MSRA: variants seen among roughly 807,000 people sequenced by gnomAD.
The protein encoded by MSRA is mitochondrial peptide methionine sulfoxide reductase.
A neutral mutation model predicts 31.3 loss-of-function variants in MSRA; 54 were observed. That is an observed-to-expected ratio of 1.73 (90% CI 1.39 to 2.17). The LOEUF (loss-of-function observed/expected upper bound fraction) is 2.17. MSRA is among the 30% of genes most tolerant of loss of function. MSRA has a pLI of 0.00. For synonymous variants in MSRA, 169 were observed against 116.5 expected (o/e 1.45, Z -2.90); for missense variants, 507 against 300.9 (o/e 1.69, Z -5.07).
intron 5 of MSRA, among the ~76,000 whole-genome samples, chr8:10,363,119 C>T (rs570270721): frequency 6.6e-6 from 1 of 152,354 alleles, no homozygotes; most frequent in African/African-American, 2.4e-5. Context: ...GTCCACTCTT[C>T]TAGCACTTTC....
chr8:10,231,185 C>T (rs544054308), intron 2 of MSRA, among the ~76,000 whole-genome samples: 8 of 151,770 alleles, frequency 5.3e-5, no homozygotes, highest in Admixed American at 3.3e-4. Context: ...GGAGCTGAGG[C>T]GGGCGGACAG....
chr8:10,183,880 G>A (rs1210880154), intron 1 of MSRA, among the ~76,000 whole-genome samples: 2 of 151,038 alleles, frequency 1.3e-5, no homozygotes, highest in Non-Finnish European at 3.0e-5. Flanking sequence ...GGTTTTGTTG[G>A]TATAGGTGGT....
intron 5 of MSRA, among the ~76,000 whole-genome samples, chr8:10,335,097 C>A (rs528039540): frequency 2.6e-5 from 4 of 152,208 alleles, no homozygotes; most frequent in African/African-American, 7.2e-5. Context: ...AGGGACCGCC[C>A]CCCGCACCGT....
intron 5 of MSRA, among the ~76,000 whole-genome samples, chr8:10,402,123 T>C (rs1407300808): frequency 6.6e-6 from 1 of 152,208 alleles, no homozygotes; most frequent in African/African-American, 2.4e-5. Flanking sequence ...TGGGTTCCCT[T>C]AGCTCTCCTA....
intron 3 of MSRA, among the ~76,000 whole-genome samples, chr8:10,275,846 C>G (rs947939896): frequency 6.6e-6 from 1 of 152,202 alleles, no homozygotes; most frequent in Non-Finnish European, 1.5e-5. Flanking sequence ...AGTTGCACAT[C>G]TAGGGTTGGA....
intron 1 of MSRA, among the ~76,000 whole-genome samples, chr8:10,179,842 T>A (rs1465509145): frequency 6.6e-6 from 1 of 152,198 alleles, no homozygotes; most frequent in Non-Finnish European, 1.5e-5. Context: ...CTTCCTGGTT[T>A]CCTACACCTC....
chr8:10,099,817 A>T (rs1359635258), intron 1 of MSRA, among the ~76,000 whole-genome samples: 1 of 152,146 alleles, frequency 6.6e-6, no homozygotes, highest in Non-Finnish European at 1.5e-5. Context: ...GGCCCTGGAC[A>T]CCGGCTTTCT....
chr8:10,380,335 G>A (rs1327319910), intron 5 of MSRA, among the ~76,000 whole-genome samples: 1 of 152,236 alleles, frequency 6.6e-6, no homozygotes, highest in African/African-American at 2.4e-5. Context: ...TTAGGAGGAG[G>A]CCTGGCGTTT....
chr8:10,320,982 T>C (rs558149173), intron 5 of MSRA, among the ~76,000 whole-genome samples: 11 of 152,316 alleles, frequency 7.2e-5, no homozygotes, highest in African/African-American at 2.6e-4. Flanking sequence ...ATTCCGAGGT[T>C]TTAGGACTCC....
chr8:10,413,006 A>G (rs969632762), intron 5 of MSRA, among the ~76,000 whole-genome samples: 1 of 152,272 alleles, frequency 6.6e-6, no homozygotes, highest in African/African-American at 2.4e-5. Context: ...AAGACGACAC[A>G]AAAACCCATT....
At chr8:10,419,705 G>A (rs889279630) in intron 5 of MSRA, among the ~76,000 whole-genome samples, 2 of 152,224 alleles carry the variant, frequency 1.3e-5, no homozygotes, top group African/African-American at 4.8e-5. Flanking sequence ...GGTTACTTGG[G>A]AAGTTGGTGG....
intron 5 of MSRA, among the ~76,000 whole-genome samples, chr8:10,415,959 G>T (rs939787505): frequency 5.3e-5 from 8 of 152,074 alleles, no homozygotes; most frequent in Non-Finnish European, 1.0e-4. Flanking sequence ...TGCCTCGCGT[G>T]GTGGATATTC....
At chr8:10,146,241 G>A (rs917440673) in intron 1 of MSRA, among the ~76,000 whole-genome samples, 3 of 152,218 alleles carry the variant, frequency 2.0e-5, no homozygotes, top group Non-Finnish European at 2.9e-5. Context: ...TTTGGGTGAT[G>A]TTAGAGTAAA....
At chr8:10,163,712 A>G (rs1463863420) in intron 1 of MSRA, among the ~76,000 whole-genome samples, 2 of 152,210 alleles carry the variant, frequency 1.3e-5, no homozygotes, top group Admixed American at 6.5e-5. Flanking sequence ...TATCGATAAG[A>G]GTGAAGGAAG....
At chr8:10,267,722 T>C (rs1798819820) in intron 3 of MSRA, among the ~76,000 whole-genome samples, 1 of 152,046 alleles carries the variant, frequency 6.6e-6, no homozygotes, top group Admixed American at 6.6e-5. Context: ...TCACTTAGTC[T>C]CTCCCGACAC....
At chr8:10,375,202 A>G (rs1053991800) in intron 5 of MSRA, among the ~76,000 whole-genome samples, 2 of 152,110 alleles carry the variant, frequency 1.3e-5, no homozygotes, top group Non-Finnish European at 2.9e-5. Flanking sequence ...ACTTATTCCT[A>G]TCTTTTTTGC....
At chr8:10,313,124 C>G (rs1801525449) in intron 4 of MSRA, among the ~76,000 whole-genome samples, 1 of 152,216 alleles carries the variant, frequency 6.6e-6, no homozygotes. Flanking sequence ...GGTCATGTGA[C>G]TGAGTTCTGG....
intron 3 of MSRA, among the ~76,000 whole-genome samples, chr8:10,266,680 T>C (rs559957359): frequency 1.5e-3 from 226 of 152,306 alleles, no homozygotes; most frequent in Non-Finnish European, 3.0e-3. Context: ...TTTTCTCTTA[T>C]TTTTTCAGAA....
In MSRA at chr8:10,298,064, C is replaced by T. The variant is rs187749733; in HGVS notation, c.332-3470C>T. On this transcript the variant is annotated intron_variant, in intron 3 of 5. Transcript: ENST00000317173. ...CCTGGTTCGCGTATGACTGAATCCT[C>T]TTACGTCCTCACTGTTGTGTGAAAA... 1.7e-3 allele frequency among the ~76,000 whole-genome samples: 252 copies of T among 152,324 alleles called. 2 individuals are homozygous for T. The highest frequency in any genetic ancestry group is 5.7e-3 in the African/African-American group (237 of 41,564).
Sources: gnomAD v4.1 joint callset for allele counts (sites outside exome capture counted in the v4.1 genomes callset) on GRCh38, gnomAD v4.1.1 for gene constraint, MANE v1.5 for transcripts, NCBI Gene and HGNC (gene_info 2026-07-23, HGNC 2026-07-21) for gene names.